The following ZNF429 variants were observed in gnomAD, a reference collection of about 807,000 sequenced individuals.
ZNF429 encodes zinc finger protein 429.
ZNF429 carries 53 observed loss-of-function variants against 56.8 expected under a neutral mutation model. The ratio of observed to expected loss-of-function variants is 0.93; its 90% CI spans 0.75 to 1.17. The LOEUF (loss-of-function observed/expected upper bound fraction) is 1.17, where lower values mean the gene tolerates loss of function less well. Ranked by LOEUF, ZNF429 falls within the 50% of genes most tolerant of loss-of-function variation. The pLI, the probability that ZNF429 is intolerant of heterozygous loss-of-function variation, is 0.00. For synonymous variants in ZNF429, 278 were observed against 264.7 expected, an observed-to-expected ratio of 1.05 and a Z score of -0.49; for missense variants, 849 against 788.4, an observed-to-expected ratio of 1.08 and a Z score of -0.92.
intron 1 of ZNF429, among the ~76,000 whole-genome samples, chr19:21,526,413 G>A (rs1405632649): frequency 1.3e-5 from 2 of 152,276 alleles, no homozygotes; most frequent in East Asian, 3.9e-4. Context: ...CCACATATCA[G>A]TGAGAACAGA....
At chr19:21,533,257 A>G in intron 3 of ZNF429, among the ~76,000 whole-genome samples, 2 of 151,842 alleles carry the variant, frequency 1.3e-5, no homozygotes, top group African/African-American at 4.8e-5. Context: ...GTCTTTTTTG[A>G]TGAAAATTTA....
chr19:21,531,149 C>A, intron 3 of ZNF429, among the ~76,000 whole-genome samples: 3 of 146,782 alleles, frequency 2.0e-5, no homozygotes, highest in African/African-American at 7.6e-5. Flanking sequence ...AAAAAACACC[C>A]GTCTTGGTGA....
At chr19:21,510,058 G>A (rs1414764988) in intron 1 of ZNF429, among the ~76,000 whole-genome samples, 2 of 152,024 alleles carry the variant, frequency 1.3e-5, no homozygotes, top group African/African-American at 2.4e-5. Flanking sequence ...ACAGGTGCCC[G>A]CGACCATGCC....
At chr19:21,509,194 A>G (rs2032332922) in intron 1 of ZNF429, among the ~76,000 whole-genome samples, 1 of 152,048 alleles carries the variant, frequency 6.6e-6, no homozygotes, top group African/African-American at 2.4e-5. Flanking sequence ...TTTAGTAGAG[A>G]CAGGGTTTCG....
At chr19:21,529,060 GA>G (rs1444099460) in intron 1 of ZNF429, 7 of 152,136 alleles carry the variant, frequency 4.6e-5, no homozygotes, top group African/African-American at 1.7e-4. Flanking sequence ...TTTGGAAAAT[GA>G]AAGCTCTCAT....
chr19:21,530,408 T>C, intron 2 of ZNF429, among the ~76,000 whole-genome samples, 181 bp from the exon 3 acceptor site: 120 of 152,250 alleles, frequency 7.9e-4, no homozygotes, highest in African/African-American at 2.7e-3. Flanking sequence ...TACTGGGCAA[T>C]GAAATTAAGA....
intron 1 of ZNF429, among the ~76,000 whole-genome samples, chr19:21,516,050 T>C (rs577976540): frequency 1.3e-5 from 2 of 152,120 alleles, no homozygotes; most frequent in African/African-American, 4.8e-5. Context: ...TTTTGTTTTT[T>C]TGTTTTTTTA....
At position 21,536,472 on chromosome 19, in the gene ZNF429, C is replaced by A. The variant is rs114046517; in HGVS notation, c.419C>A (p.Thr140Asn). The A allele has an allele frequency of 2.3e-3, 3,657 of 1,613,346 alleles. 80 individuals are homozygous for A. In the African/African-American group the frequency reaches 0.042, roughly 19 times the overall value. ...YNGLNQCLTL[T>N]QSKMYHCDIY... The stretch of plus-strand genomic sequence containing the variant: ...GGACTTAACCAATGTTTGACACTTA[C>A]CCAGAGCAAAATGTATCACTGTGAT... The change falls in exon 4 of 4, where the codon ACC becomes AAC. Residue 140 changes from threonine (T) to asparagine (N), a missense_variant. Thr to Asn is a moderately conservative substitution (Grantham distance 65). Coordinates refer to ENST00000358491, the MANE Select transcript of ZNF429 (RefSeq NM_001001415.4).
At chr19:21,507,118 C>A (rs558464251) in intron 1 of ZNF429, among the ~76,000 whole-genome samples, 1 of 152,062 alleles carries the variant, frequency 6.6e-6, no homozygotes, top group Non-Finnish European at 1.5e-5. Context: ...CCACCTCAGT[C>A]GAATTGCCTA....
intron 1 of ZNF429, among the ~76,000 whole-genome samples, chr19:21,509,153 C>G (rs920270369): frequency 6.6e-6 from 1 of 151,902 alleles, no homozygotes; most frequent in Non-Finnish European, 1.5e-5. Flanking sequence ...GAACTACAGG[C>G]GCACACTGTC....
At chr19:21,535,428 C>CT in intron 3 of ZNF429, among the ~76,000 whole-genome samples, 1 of 6,790 alleles carries the variant, frequency 1.5e-4, no homozygotes, top group Non-Finnish European at 3.0e-4. Context: ...TTCTTTCTTT[C>CT]TTTCTTTCTT....
chr19:21,529,663 A>G lies in ZNF429; in HGVS notation c.9A>G (p.Pro3=). Residue 3 remains proline (P), a synonymous_variant, in exon 2 of 4, where the codon CCA becomes CCG. Transcript: ENST00000358491. ...TTGGTGTGTGTGTGTTTCAGGGACC[A>G]TTGACATTTACAGATGTGGCCATAG... is the stretch of plus-strand genomic sequence containing the variant. MG[P]LTFTDVAIEF... 6.3e-7 allele frequency: 1 copy of G among 1,578,534 alleles called. No individual in the cohort carries two copies. Among genetic ancestry groups the G allele is most frequent in the Non-Finnish European group, 8.6e-7 (1 of 1,160,572 alleles).
At chr19:21,535,412 T>TTTCTTTCTTTCTTTC in intron 3 of ZNF429, among the ~76,000 whole-genome samples, 2 of 55,388 alleles carry the variant, frequency 3.6e-5, no homozygotes, top group South Asian at 1.3e-3. Flanking sequence ...TTTCTTTTTC[T>TTTCTTTCTTTCTTTC]TTTCTTTCTT....
At chr19:21,526,619 G>A (rs1446544424) in intron 1 of ZNF429, among the ~76,000 whole-genome samples, 6 of 152,204 alleles carry the variant, frequency 3.9e-5, no homozygotes, top group Non-Finnish European at 7.3e-5. Flanking sequence ...TCTTGAAACT[G>A]TTTACTATTG....
At chr19:21,512,682 A>G (rs1302459918) in intron 1 of ZNF429, among the ~76,000 whole-genome samples, 1 of 151,040 alleles carries the variant, frequency 6.6e-6, no homozygotes, top group Non-Finnish European at 1.5e-5. Flanking sequence ...AAAAAAAAAA[A>G]AAGGAGGAAA....
chr19:21,536,988 C>T lies in ZNF429; in HGVS notation c.935C>T (p.Pro312Leu), dbSNP rs760304520. 6 of 1,613,802 alleles carry T rather than the reference C, an allele frequency of 3.7e-6. No homozygotes were observed. The highest frequency in any genetic ancestry group is 2.2e-5 in the East Asian group (1 of 44,858). ...AAGATAATTCATACTGAAGAGAAAC[C>T]CTACAAATGTAAAGAATGTGGCAAA... Reference protein sequence around the residue: ...KHKIIHTEEKPYKCKECGKAF... With the variant: ...KHKIIHTEEKLYKCKECGKAF... The change falls in exon 4 of 4, where the codon CCC becomes CTC. Residue 312 changes from proline to leucine, a missense_variant. Physicochemically the swap from Pro to Leu is moderately conservative, Grantham distance 98. Transcript: ENST00000358491.
rs1568438988 is a variant in ZNF429 at position 21,539,885 on chromosome 19, T to C, written c.*1807T>C. Among the ~76,000 whole-genome samples, 1 of 152,096 alleles carries C rather than the reference T, an allele frequency of 6.6e-6. No individual in the cohort carries two copies. Among genetic ancestry groups the C allele is most frequent in the African/African-American group, 2.4e-5 (1 of 41,424 alleles). On this transcript the variant is annotated 3_prime_UTR_variant, in exon 4 of 4. Coordinates refer to ENST00000358491, the MANE Select transcript of ZNF429 (RefSeq NM_001001415.4). ...ATTGCTGCATCACATATAGACTCAT[T>C]AGGTGGAAATTATGGCCTCTTCTGT...
rs1304556347 is a variant in ZNF429, at chr19:21,505,893, C to A, written c.3+119C>A. Reference sequence around the variant, plus strand: ...AGCTCCACAATCTGCGCCCGGAATTCTCCTTGCCCAGCTCGGCTTCAGTCC... The same window carrying A: ...AGCTCCACAATCTGCGCCCGGAATTATCCTTGCCCAGCTCGGCTTCAGTCC... On this transcript the variant is annotated intron_variant, in intron 1 of 3. Coordinates refer to ENST00000358491, the MANE Select transcript of ZNF429 (RefSeq NM_001001415.4). 14 of 1,148,294 alleles carry A rather than the reference C, an allele frequency of 1.2e-5. No individual in the cohort carries two copies. The Admixed American group carries it at 2.6e-4, about 22-fold the overall frequency. 71.1% of individuals were successfully genotyped at this position (1,148,294 alleles called of 1,614,324 possible). A position where few individuals can be genotyped will look rare whatever the true frequency, so the allele number is the denominator to read the frequency against.
At position 21,539,508 on chromosome 19, in the gene ZNF429, G is replaced by A. The variant is rs1053425797; in HGVS notation, c.*1430G>A. ...ACAATTTCAGCTTGCTGCCAACTTCGACCTTTGGGTTCAAGCAGTTCTCCT... is the reference window on the plus strand; with the variant it reads ...ACAATTTCAGCTTGCTGCCAACTTCAACCTTTGGGTTCAAGCAGTTCTCCT... On this transcript the variant is annotated 3_prime_UTR_variant, in exon 4 of 4. Coordinates refer to ENST00000358491, the MANE Select transcript of ZNF429 (RefSeq NM_001001415.4). Among the ~76,000 whole-genome samples the A allele has an allele frequency of 4.6e-5, 7 of 151,764 alleles. No homozygotes were observed. Among genetic ancestry groups the A allele is most frequent in the Non-Finnish European group, 8.8e-5 (6 of 67,974 alleles).
Sources: gnomAD v4.1 joint callset for allele counts (sites outside exome capture counted in the v4.1 genomes callset) on GRCh38, gnomAD v4.1.1 for gene constraint, MANE v1.5 for transcripts, NCBI Gene and HGNC (gene_info 2026-07-23, HGNC 2026-07-21) for gene names.